The following UBR2 variants were observed in gnomAD, a reference collection of about 807,000 sequenced individuals.
The protein encoded by UBR2 is E3 ubiquitin-protein ligase UBR2.
A neutral mutation model predicts 247.9 loss-of-function variants in UBR2; 92 were observed. The observed-to-expected ratio is 0.37, with a 90% CI of 0.31 to 0.44. The LOEUF is 0.44. UBR2 is among the 20% of genes least tolerant of loss of function. UBR2 has a pLI of 1.00. For synonymous variants in UBR2, 672 were observed against 693.5 expected (o/e 0.97, Z 0.49); for missense variants, 1,613 against 2,112.6 (o/e 0.76, Z 4.64).
intron 11 of UBR2, chr6:42,620,476 G>A (rs571599704): frequency 1.4e-5 from 1 of 69,566 alleles, no homozygotes; most frequent in African/African-American, 4.8e-5. Context: ...TGAATATTAA[G>A]TGTTGTTTTT....
In UBR2 at chr6:42,656,085, T is replaced by C. The variant is rs181475102; in HGVS notation, c.2872+362T>C. On this transcript the variant is annotated intron_variant, in intron 26 of 46. Coordinates refer to ENST00000372901, the MANE Select transcript of UBR2 (RefSeq NM_001363705.2). ...TTTTATTTTAAAAATTTCATACATA[T>C]AGACAAGTTGAAAGAATTGTCCAGT... Among the ~76,000 whole-genome samples, 72 of 152,304 alleles carry C rather than the reference T, an allele frequency of 4.7e-4. 1 individual carries two copies. In the East Asian group the frequency reaches 6.2e-3, roughly 13 times the overall value.
chr6:42,629,165 C>T (rs1194094868), intron 11 of UBR2, among the ~76,000 whole-genome samples: 1 of 151,820 alleles, frequency 6.6e-6, no homozygotes, highest in Non-Finnish European at 1.5e-5. Flanking sequence ...TATAGGTGCC[C>T]GCCACCATGC....
intron 11 of UBR2, among the ~76,000 whole-genome samples, chr6:42,625,813 C>A (rs947843757): frequency 4.7e-5 from 7 of 149,476 alleles, no homozygotes; most frequent in African/African-American, 1.7e-4. Flanking sequence ...ATTTATTTTT[C>A]CCCCCTTTTT....
intron 40 of UBR2, among the ~76,000 whole-genome samples, chr6:42,678,164 G>A (rs910945068): frequency 3.9e-5 from 6 of 152,042 alleles, no homozygotes; most frequent in Non-Finnish European, 7.4e-5. Flanking sequence ...GCGAAACCCC[G>A]TCTCTACTAA....
At position 42,564,485 on chromosome 6, in the gene UBR2, C is replaced by G. The variant is rs141466635; in HGVS notation, c.78+88C>G. On this transcript the variant is annotated intron_variant, in intron 1 of 46. Coordinates refer to ENST00000372901, the MANE Select transcript of UBR2 (RefSeq NM_001363705.2). ...CGACTCCTGGACGTCCTGGAGCAGC[C>G]CGACCCAGACTTGGGGAAACAGCTG... is the stretch of plus-strand genomic sequence containing the variant. 3.9e-4 allele frequency: 563 copies of G among 1,443,612 alleles called. 1 individual carries two copies. Among genetic ancestry groups the G allele is most frequent in the Admixed American group, 7.0e-4 (30 of 42,890 alleles). 89.4% of individuals were successfully genotyped at this position (1,443,612 alleles called of 1,614,324 possible). A position where few individuals can be genotyped will look rare whatever the true frequency, so the allele number is the denominator to read the frequency against.
intron 22 of UBR2, among the ~76,000 whole-genome samples, chr6:42,649,003 A>G (rs1796945747): frequency 6.6e-6 from 1 of 152,100 alleles, no homozygotes; most frequent in Non-Finnish European, 1.5e-5. Context: ...TTGTCAGTAC[A>G]TATAGGCATA....
intron 11 of UBR2, among the ~76,000 whole-genome samples, chr6:42,622,551 G>A (rs545765876): frequency 1.3e-5 from 2 of 151,840 alleles, no homozygotes; most frequent in African/African-American, 4.8e-5. Context: ...ACAGGTGCGT[G>A]CCACCACACC....
rs368348262 is a variant in UBR2 at position 42,573,809 on chromosome 6, A to C, written c.154A>C (p.Arg52=). The C allele has an allele frequency of 9.9e-6, 16 of 1,613,520 alleles. No homozygotes were observed. In the African/African-American group the frequency reaches 1.9e-4, roughly 19 times the overall value. Residue 52 remains arginine, a synonymous_variant, in exon 2 of 47, where the codon AGG becomes CGG. Transcript: ENST00000372901. ...CCACTATGTACCCAAAATCTACTGC[A>C]GGGGTCCCAACCCTTTTCCACAGAA... The part of the protein sequence containing the change: ...LAHYVPKIYC[R]GPNPFPQKED...
chr6:42,606,561 T>C (rs1313379811), intron 6 of UBR2, 28 bp from the exon 7 acceptor site: 9 of 1,597,046 alleles, frequency 5.6e-6, no homozygotes, highest in Admixed American at 5.1e-5. Flanking sequence ...ACAATACTTT[T>C]ACAGCTTAAT....
At chr6:42,684,749 G>T in intron 43 of UBR2, 45 bp from the exon 44 acceptor site, 1 of 1,484,854 alleles carries the variant, frequency 6.7e-7, no homozygotes, top group South Asian at 1.2e-5. Flanking sequence ...AGTATAATAT[G>T]ACCTAAATTA....
At chr6:42,571,904 C>CT (rs1165971424) in intron 1 of UBR2, among the ~76,000 whole-genome samples, 2 of 151,744 alleles carry the variant, frequency 1.3e-5, no homozygotes, top group African/African-American at 4.8e-5. Flanking sequence ...GACTCTTTTT[C>CT]TTTTTTTAAA....
intron 2 of UBR2, among the ~76,000 whole-genome samples, chr6:42,584,366 A>G (rs1792116863): frequency 6.6e-6 from 1 of 152,198 alleles, no homozygotes; most frequent in Non-Finnish European, 1.5e-5. Flanking sequence ...ACAGTAATCT[A>G]GTTCATTCAT....
intron 37 of UBR2, 116 bp downstream of exon 37, chr6:42,674,003 TA>T: frequency 7.7e-7 from 1 of 1,303,414 alleles, no homozygotes; most frequent in Non-Finnish European, 1.1e-6. Flanking sequence ...GGTTTTCTTA[TA>T]TATAAGCTCT....
chr6:42,676,560 G>T (rs1478008260), intron 39 of UBR2, among the ~76,000 whole-genome samples: 2 of 152,134 alleles, frequency 1.3e-5, no homozygotes, highest in African/African-American at 4.8e-5. Flanking sequence ...TACACTTTAA[G>T]ACTATATTTA....
At chr6:42,619,447 A>ATTTTTTTT (rs1262227969) in intron 11 of UBR2, 1 of 29,622 alleles carries the variant, frequency 3.4e-5, no homozygotes, top group Non-Finnish European at 6.5e-5. Flanking sequence ...ATATATATAT[A>ATTTTTTTT]TATATATTTT....
chr6:42,572,415 C>T (rs1317337961), intron 1 of UBR2, among the ~76,000 whole-genome samples: 1 of 150,184 alleles, frequency 6.7e-6, no homozygotes. Flanking sequence ...AAATGAAGAC[C>T]TTATGTTGAC....
chr6:42,629,137 T>C lies in UBR2; in HGVS notation c.1282-3415T>C, dbSNP rs1795535834. Among the ~76,000 whole-genome samples the C allele has an allele frequency of 1.3e-5, 2 of 151,916 alleles. 1 individual carries two copies. The highest frequency in any genetic ancestry group is 1.3e-4 in the Admixed American group (2 of 15,256). On this transcript the variant is annotated intron_variant, in intron 11 of 46. Transcript: ENST00000372901. ...GTTCAAGCAGTTCTCCAGCCTCAGC[T>C]TCCCTAGTAGCTGGGATTATAGGTG... is the stretch of plus-strand genomic sequence containing the variant.
rs757557248 is a variant in UBR2, at chr6:42,645,556, C to T, written c.2375C>T (p.Ala792Val). 1 of 1,613,712 alleles carries T rather than the reference C, an allele frequency of 6.2e-7. No individual in the cohort carries two copies. Among genetic ancestry groups the T allele is most frequent in the Non-Finnish European group, 8.5e-7 (1 of 1,179,810 alleles). Reference protein sequence around the residue: ...IIHQLSIKPMAHSELVKSLPE... With the variant: ...IIHQLSIKPMVHSELVKSLPE... Reference sequence around the variant, plus strand: ...CATCAGTTGAGTATCAAGCCTATGGCTCATAGTGAATTGGTAAAGTCTTTA... The same window carrying T: ...CATCAGTTGAGTATCAAGCCTATGGTTCATAGTGAATTGGTAAAGTCTTTA... Residue 792 changes from alanine (A) to valine (V), a missense_variant, in exon 21 of 47, where the codon GCT (alanine) becomes GTT (valine). By Grantham distance (64) the Ala-to-Val change is moderately conservative. Coordinates refer to ENST00000372901, the MANE Select transcript of UBR2 (RefSeq NM_001363705.2).
chr6:42,663,469 G>A (rs375554687), intron 32 of UBR2, 50 bp downstream of exon 32: 17 of 1,506,634 alleles, frequency 1.1e-5, no homozygotes, highest in Non-Finnish European at 3.6e-6. Flanking sequence ...TTGCTTTGAA[G>A]ATAATGAAAT....
Sources: allele counts gnomAD v4.1 joint callset (sites outside exome capture counted in the v4.1 genomes callset), GRCh38; gene constraint gnomAD v4.1.1; transcripts MANE v1.5; gene names NCBI Gene and HGNC (gene_info 2026-07-23, HGNC 2026-07-21).